Variants in BEST3 observed in about 807,000 individuals in gnomAD.
BEST3 encodes bestrophin 3.
A neutral mutation model predicts 47.1 loss-of-function variants in BEST3; 50 were observed. The observed-to-expected ratio is 1.06, with a 90% confidence interval of 0.85 to 1.34. The LOEUF (loss-of-function observed/expected upper bound fraction) is 1.34, where lower values mean the gene tolerates loss of function less well. Ranked by LOEUF, BEST3 falls within the 40% of genes most tolerant of loss-of-function variation. The pLI is 0.00. For missense variants in BEST3, 765 were observed against 817.0 expected, an observed-to-expected ratio of 0.94 and a Z score of 0.78; for synonymous variants, 282 against 298.8, an observed-to-expected ratio of 0.94 and a Z score of 0.58.
In BEST3 at chr12:69,655,147, C is replaced by A. The variant is rs779906074; in HGVS notation, c.1767G>T (p.Arg589Ser). 9 of 1,614,024 alleles carry A rather than the reference C, an allele frequency of 5.6e-6. No individual in the cohort carries two copies. Among genetic ancestry groups the A allele is most frequent in the Non-Finnish European group, 8.5e-7 (1 of 1,180,028 alleles). Residue 589 changes from arginine (R) to serine (S), a missense_variant, in exon 10 of 10, where the codon AGG becomes AGT. Physicochemically the swap from Arg to Ser is moderately radical, Grantham distance 110. Transcript: ENST00000330891. The stretch of plus-strand genomic sequence containing the variant: ...ACCCCAGGAATCCCGGAAGACTCCA[C>A]CTTTTTAGAAAGGTATCACCAGGGT... ...EEDPGDTFLKRWSLPGFLGSS... is the reference protein window; with the variant it reads ...EEDPGDTFLKSWSLPGFLGSS...
intron 4 of BEST3, among the ~76,000 whole-genome samples, chr12:69,692,865 C>T (rs542995516): frequency 5.9e-5 from 9 of 152,228 alleles, no homozygotes; most frequent in Non-Finnish European, 7.4e-5. Flanking sequence ...CAGGTTCAAG[C>T]GATTCTCCTG....
At chr12:69,664,355 C>G (rs1884053731) in intron 9 of BEST3, among the ~76,000 whole-genome samples, 1 of 152,196 alleles carries the variant, frequency 6.6e-6, no homozygotes, top group Non-Finnish European at 1.5e-5. Flanking sequence ...CCTGGCTGCA[C>G]AGGCACCATC....
exon 10 of BEST3, chr12:69,643,687 A>T: frequency 1.5e-6 from 1 of 685,850 alleles, no homozygotes; most frequent in Non-Finnish European, 2.7e-6. Flanking sequence ...CGAGTGTTGT[A>T]CCTTTAACCA....
At chr12:69,692,788 A>G (rs767700493) in intron 4 of BEST3, among the ~76,000 whole-genome samples, 7 of 152,176 alleles carry the variant, frequency 4.6e-5, no homozygotes, top group Non-Finnish European at 8.8e-5. Context: ...TTGGGGACTG[A>G]TGGGGACCTT....
chr12:69,649,087 C>T (rs7299233), downstream of BEST3, among the ~76,000 whole-genome samples: 63,981 of 152,062 alleles, frequency 0.42, 15,350 homozygotes, highest in Middle Eastern at 0.59. Flanking sequence ...CTCTGCCTCC[C>T]GGGTTCAAGT....
intron 4 of BEST3, chr12:69,684,534 G>T: frequency 1.5e-6 from 1 of 653,386 alleles, no homozygotes; most frequent in Middle Eastern, 2.4e-4. Context: ...ATTCAAACGA[G>T]GCTCTATTAG....
chr12:69,650,047 A>G (rs112691565), downstream of BEST3, among the ~76,000 whole-genome samples: 4,774 of 152,324 alleles, frequency 0.031, 111 homozygotes, highest in Middle Eastern at 0.061. Flanking sequence ...AAAACAAAAT[A>G]AAACACAAAA....
At chr12:69,691,178 T>C (rs1428884499) in intron 4 of BEST3, among the ~76,000 whole-genome samples, 1 of 152,226 alleles carries the variant, frequency 6.6e-6, no homozygotes, top group Non-Finnish European at 1.5e-5. Flanking sequence ...GTAATTTCAT[T>C]ACAATGGCAA....
intron 7 of BEST3, among the ~76,000 whole-genome samples, chr12:69,674,192 C>A (rs1365303009): frequency 6.6e-6 from 1 of 152,010 alleles, no homozygotes; most frequent in African/African-American, 2.4e-5. Context: ...TTTCTAGAGT[C>A]TAAACATTCT....
chr12:69,690,994 C>A (rs1885903777), intron 4 of BEST3, among the ~76,000 whole-genome samples: 1 of 152,152 alleles, frequency 6.6e-6, no homozygotes. Context: ...GCACCCATTA[C>A]TTTCTCATAT....
chr12:69,677,667 G>A lies in BEST3; in HGVS notation c.637-410C>T, dbSNP rs141619930. Among the ~76,000 whole-genome samples the A allele has an allele frequency of 4.2e-3, 635 of 152,254 alleles. 3 individuals are homozygous for A. The highest frequency in any genetic ancestry group is 0.015 in the African/African-American group (605 of 41,536). On this transcript the variant is annotated intron_variant, in intron 5 of 9. Transcript: ENST00000330891. ...TTGGTGGCACACGCCTGTAGTCCCA[G>A]TTACTCCAGAGGCTGAGGTGGGAGA...
chr12:69,688,524 G>A (rs1431611720), intron 4 of BEST3, among the ~76,000 whole-genome samples: 5 of 152,236 alleles, frequency 3.3e-5, no homozygotes, highest in African/African-American at 1.2e-4. Flanking sequence ...ATGTGTTTTG[G>A]TCTTGTTATT....
chr12:69,661,353 G>A (rs977160178), intron 9 of BEST3: 2 of 152,170 alleles, frequency 1.3e-5, no homozygotes, highest in African/African-American at 2.4e-5. Context: ...TAACAGAATT[G>A]AAATGAGGAA....
intron 9 of BEST3, among the ~76,000 whole-genome samples, chr12:69,645,152 A>G (rs545471501): frequency 1.3e-5 from 2 of 152,250 alleles, no homozygotes; most frequent in East Asian, 3.9e-4. Context: ...TTACAGCACA[A>G]ATTTTGCTCT....
chr12:69,692,321 C>T (rs1885955604), intron 4 of BEST3, among the ~76,000 whole-genome samples: 1 of 152,224 alleles, frequency 6.6e-6, no homozygotes, highest in Admixed American at 6.5e-5. Flanking sequence ...GGCAGAATCA[C>T]CTCACGCTTC....
rs1401445458 is a variant in BEST3 at position 69,672,930 on chromosome 12, ATCT to A, written c.900_902del (p.Glu300del). ...ACCAGTTAGTTTCAAAATCATCATC[ATCT>A]TCTCCAAAAGGGTTGATAAGCTGCT... is the stretch of plus-strand genomic sequence containing the variant. On this transcript the variant is annotated inframe_deletion, in exon 8 of 10. Coordinates refer to ENST00000330891, the MANE Select transcript of BEST3 (RefSeq NM_032735.3). The A allele has an allele frequency of 6.2e-7, 1 of 1,613,632 alleles. No individual in the cohort carries two copies. Among genetic ancestry groups the A allele is most frequent in the South Asian group, 1.1e-5 (1 of 90,946 alleles).
chr12:69,695,041 T>C (rs1204111939), intron 2 of BEST3, among the ~76,000 whole-genome samples: 1 of 152,198 alleles, frequency 6.6e-6, no homozygotes, highest in Non-Finnish European at 1.5e-5. Context: ...CTTTCATTAT[T>C]AAATTTAGTC....
At chr12:69,673,743 C>T (rs11177787) in intron 7 of BEST3, among the ~76,000 whole-genome samples, 15,721 of 152,086 alleles carry the variant, frequency 0.1, 1,065 homozygotes, top group Non-Finnish European at 0.16. Flanking sequence ...TGTGCTTGGC[C>T]GAGCTTTCAC....
chr12:69,648,664 A>G (rs898140338), downstream of BEST3, among the ~76,000 whole-genome samples: 1 of 152,164 alleles, frequency 6.6e-6, no homozygotes, highest in Non-Finnish European at 1.5e-5. Flanking sequence ...CTGACACTCA[A>G]TAGTTGCTTA....
Sources: gnomAD v4.1 joint callset for allele counts (sites outside exome capture counted in the v4.1 genomes callset) on GRCh38, gnomAD v4.1.1 for gene constraint, MANE v1.5 for transcripts, NCBI Gene and HGNC (gene_info 2026-07-23, HGNC 2026-07-21) for gene names.